The following CADPS2 variants were observed in gnomAD, a reference collection of about 807,000 sequenced individuals.
CADPS2 encodes the protein calcium-dependent secretion activator 2.
CADPS2 carries 93 observed loss-of-function variants against 172.5 expected under a neutral mutation model. The observed-to-expected ratio is 0.54, with a 90% CI of 0.46 to 0.64. CADPS2 has a LOEUF of 0.64. CADPS2 is among the 30% of genes least tolerant of loss of function. CADPS2 has a pLI of 0.00. For synonymous variants in CADPS2, 546 were observed against 555.2 expected, an observed-to-expected ratio of 0.98 and a Z score of 0.23; for missense variants, 1,420 against 1,565.9, an observed-to-expected ratio of 0.91 and a Z score of 1.57.
chr7:122,663,456 T>G lies in CADPS2; in HGVS notation c.567A>C (p.Pro189=). Residue 189 remains proline, a synonymous_variant, in exon 3 of 30, where the codon CCA becomes CCC. Coordinates refer to ENST00000449022, the MANE Select transcript of CADPS2 (RefSeq NM_017954.11). Reference sequence around the variant, plus strand: ...TCTCTTTGCTCAAGCCATCTATTTCTGGCAAACTCCGCACACGTTTTTCTA... The same window carrying G: ...TCTCTTTGCTCAAGCCATCTATTTCGGGCAAACTCCGCACACGTTTTTCTA... ...KNIEKRVRSL[P]EIDGLSKETV... 16 of 1,613,976 alleles carry G rather than the reference T, an allele frequency of 9.9e-6. No homozygotes were observed. Among genetic ancestry groups the G allele is most frequent in the Non-Finnish European group, 1.4e-5 (16 of 1,179,882 alleles).
rs571692143 is a variant in CADPS2 at position 122,498,410 on chromosome 7, A to G, written c.1543-6990T>C. On this transcript the variant is annotated intron_variant, in intron 9 of 29. Coordinates refer to ENST00000449022, the MANE Select transcript of CADPS2 (RefSeq NM_017954.11). ...ATATCAATTTAAAAATCTTCCCATT[A>G]TCTGTTTAAATGTTGCCTCTGTCAC... 2.0e-5 allele frequency among the ~76,000 whole-genome samples: 3 copies of G among 152,250 alleles called. No homozygotes were observed. In the East Asian group the frequency reaches 5.8e-4, roughly 29 times the overall value.
chr7:122,380,155 T>G (rs1354727333), intron 24 of CADPS2, among the ~76,000 whole-genome samples: 2 of 152,168 alleles, frequency 1.3e-5, no homozygotes, highest in Non-Finnish European at 2.9e-5. Context: ...AGACTTTTTT[T>G]TTTCTTTCTT....
At chr7:122,840,921 A>T (rs1810301592) in intron 1 of CADPS2, among the ~76,000 whole-genome samples, 1 of 152,192 alleles carries the variant, frequency 6.6e-6, no homozygotes, top group Non-Finnish European at 1.5e-5. Context: ...TTATACTAAC[A>T]ACTAGGTAAA....
chr7:122,491,524 T>C (rs570865276), intron 9 of CADPS2, 104 bp from the exon 10 acceptor site: 3 of 570,940 alleles, frequency 5.3e-6, no homozygotes, highest in Non-Finnish European at 3.0e-6. Flanking sequence ...AAATATAACA[T>C]AATTTGCACA....
At chr7:122,481,877 G>A (rs2057341785) in intron 11 of CADPS2, among the ~76,000 whole-genome samples, 1 of 151,872 alleles carries the variant, frequency 6.6e-6, no homozygotes, top group Non-Finnish European at 1.5e-5. Flanking sequence ...TGGGTGTGGT[G>A]GCACACACCT....
intron 20 of CADPS2, among the ~76,000 whole-genome samples, chr7:122,405,650 C>A (rs1563255185): frequency 6.9e-6 from 1 of 145,756 alleles, no homozygotes; most frequent in Non-Finnish European, 1.5e-5. Flanking sequence ...ATGGAACAAG[C>A]TCTGTCTCAA....
At chr7:122,815,600 A>C (rs1367557299) in intron 1 of CADPS2, among the ~76,000 whole-genome samples, 3 of 150,060 alleles carry the variant, frequency 2.0e-5, no homozygotes, top group Non-Finnish European at 3.0e-5. Context: ...AAAAAAATCC[A>C]TGGGTAATAA....
At chr7:122,766,812 CTGTT>C (rs2093565176) in intron 1 of CADPS2, among the ~76,000 whole-genome samples, 1 of 152,146 alleles carries the variant, frequency 6.6e-6, no homozygotes, top group South Asian at 2.1e-4. Context: ...AACTGTCACT[CTGTT>C]TGGCAGAACT....
At position 122,444,622 on chromosome 7, in the gene CADPS2, T is replaced by G. The variant is rs967245502; in HGVS notation, c.2289-3047A>C. ...TGTATAATATTCCTTTGGTGAAGTATCTGTTAAAACAATTTTTTAAATTGG... is the reference window on the plus strand; with the variant it reads ...TGTATAATATTCCTTTGGTGAAGTAGCTGTTAAAACAATTTTTTAAATTGG... On this transcript the variant is annotated intron_variant, in intron 15 of 29. Coordinates refer to ENST00000449022, the MANE Select transcript of CADPS2 (RefSeq NM_017954.11). Among the ~76,000 whole-genome samples the G allele has an allele frequency of 7.2e-5, 11 of 152,294 alleles. No homozygotes were observed. The East Asian group carries it at 2.1e-3, about 29-fold the overall frequency.
chr7:122,571,180 T>C (rs2067210771), intron 7 of CADPS2, among the ~76,000 whole-genome samples: 1 of 152,104 alleles, frequency 6.6e-6, no homozygotes, highest in Non-Finnish European at 1.5e-5. Flanking sequence ...AGTTAAAAAC[T>C]GGGGAAAATA....
At chr7:122,664,271 A>G (rs1397969046) in intron 2 of CADPS2, among the ~76,000 whole-genome samples, 4 of 152,080 alleles carry the variant, frequency 2.6e-5, no homozygotes. Context: ...AAATTGCCCA[A>G]CAGCTGGGGG....
intron 17 of CADPS2, among the ~76,000 whole-genome samples, chr7:122,435,479 G>A (rs1169661870): frequency 6.6e-6 from 1 of 152,074 alleles, no homozygotes; most frequent in East Asian, 1.9e-4. Context: ...CTGTTGGGAC[G>A]ACTATTATTT....
chr7:122,532,422 T>C (rs2061844515), intron 8 of CADPS2, among the ~76,000 whole-genome samples: 1 of 152,192 alleles, frequency 6.6e-6, no homozygotes, highest in Non-Finnish European at 1.5e-5. Context: ...AAATAAAGTA[T>C]TTCAAATTGC....
chr7:122,504,635 T>C (rs2059476234), intron 9 of CADPS2, among the ~76,000 whole-genome samples: 1 of 152,140 alleles, frequency 6.6e-6, no homozygotes, highest in South Asian at 2.1e-4. Context: ...GGTGCGATGA[T>C]AGCTCACTGT....
intron 7 of CADPS2, among the ~76,000 whole-genome samples, chr7:122,568,970 C>A (rs560334772): frequency 2.0e-5 from 3 of 152,220 alleles, no homozygotes; most frequent in East Asian, 3.9e-4. Context: ...AAAACTGGCA[C>A]AAGACAGGGA....
intron 7 of CADPS2, among the ~76,000 whole-genome samples, chr7:122,579,063 A>G (rs963985383): frequency 6.6e-6 from 1 of 152,176 alleles, no homozygotes; most frequent in Non-Finnish European, 1.5e-5. Context: ...AATTGGAAAT[A>G]CTGAGTACGG....
chr7:122,451,031 G>A (rs2053023756), intron 15 of CADPS2, among the ~76,000 whole-genome samples: 1 of 152,196 alleles, frequency 6.6e-6, no homozygotes. Flanking sequence ...CTGTGGAGGT[G>A]AGACTTGAGG....
chr7:122,418,488 G>A (rs1460008647), intron 17 of CADPS2, among the ~76,000 whole-genome samples: 2 of 152,164 alleles, frequency 1.3e-5, no homozygotes, highest in Non-Finnish European at 2.9e-5. Context: ...TGGGGCAAAT[G>A]TTTCTTAGCA....
At chr7:122,480,821 A>G (rs1479482358) in intron 12 of CADPS2, 31 bp downstream of exon 12, 2 of 1,462,184 alleles carry the variant, frequency 1.4e-6, no homozygotes, top group Non-Finnish European at 1.8e-6. Flanking sequence ...TTTTTAAAAC[A>G]TCTAATTTTA....
Sources: allele counts gnomAD v4.1 joint callset (sites outside exome capture counted in the v4.1 genomes callset), GRCh38; gene constraint gnomAD v4.1.1; transcripts MANE v1.5; gene names NCBI Gene and HGNC (gene_info 2026-07-23, HGNC 2026-07-21).